ARGFX: variants seen among roughly 807,000 people sequenced by gnomAD.
ARGFX encodes arginine-fifty homeobox.
ARGFX carries 10 observed loss-of-function variants against 8.0 expected under a neutral mutation model. That is an observed-to-expected ratio of 1.25 (90% CI 0.77 to 2.12). The LOEUF (loss-of-function observed/expected upper bound fraction) is 2.12, where lower values mean the gene tolerates loss of function less well. ARGFX is among the 30% of genes most tolerant of loss of function. ARGFX has a pLI of 0.00. For synonymous variants in ARGFX, 116 were observed against 117.8 expected (o/e 0.98, Z 0.10); for missense variants, 282 against 324.3 (o/e 0.87, Z 1.00).
At chr3:121,578,651 C>T (rs551889147) in intron 3 of ARGFX, among the ~76,000 whole-genome samples, 17 of 150,754 alleles carry the variant, frequency 1.1e-4, no homozygotes, top group Admixed American at 6.6e-4. Context: ...TAATCACATT[C>T]CTAGAAAAGT....
chr3:121,584,262 GGAA>G (rs1560122453), intron 3 of ARGFX, among the ~76,000 whole-genome samples: 6 of 138,566 alleles, frequency 4.3e-5, no homozygotes, highest in African/African-American at 1.6e-4. Context: ...AAGGAAGGAA[GGAA>G]GGAAAGAAAA....
intron 3 of ARGFX, among the ~76,000 whole-genome samples, chr3:121,584,534 G>T (rs1285263878): frequency 1.3e-5 from 2 of 152,192 alleles, no homozygotes; most frequent in African/African-American, 2.4e-5. Flanking sequence ...ACTATCCACT[G>T]TCCTGAGGTT....
chr3:121,586,752 A>G lies in ARGFX; in HGVS notation c.*152A>G. 1.4e-6 allele frequency: 1 copy of G among 701,858 alleles called. No individual in the cohort carries two copies. Among genetic ancestry groups the G allele is most frequent in the East Asian group, 2.7e-5 (1 of 36,848 alleles). 43.5% of individuals were successfully genotyped at this position (701,858 alleles called of 1,614,324 possible). Reference sequence around the variant, plus strand: ...GTTGCAAAAAGAGTTTTCCAAGTAGAGCTGGGCACTACGTAATCAGCCCCA... The same window carrying G: ...GTTGCAAAAAGAGTTTTCCAAGTAGGGCTGGGCACTACGTAATCAGCCCCA... On this transcript the variant is annotated 3_prime_UTR_variant, in exon 5 of 5. Coordinates refer to ENST00000334384, the MANE Select transcript of ARGFX (RefSeq NM_001012659.2).
chr3:121,577,645 C>T (rs2048751790), intron 3 of ARGFX, among the ~76,000 whole-genome samples: 1 of 152,066 alleles, frequency 6.6e-6, no homozygotes, highest in Non-Finnish European at 1.5e-5. Context: ...AATTAATTTA[C>T]AAAAGAGAGG....
intron 2 of ARGFX, among the ~76,000 whole-genome samples, chr3:121,572,344 C>G (rs574351627): frequency 1.3e-5 from 2 of 150,058 alleles, no homozygotes; most frequent in African/African-American, 4.9e-5. Context: ...CAGGATCAAG[C>G]GATTCTCCTG....
At chr3:121,572,040 A>G (rs1381763173) in intron 2 of ARGFX, among the ~76,000 whole-genome samples, 1 of 151,554 alleles carries the variant, frequency 6.6e-6, no homozygotes, top group African/African-American at 2.4e-5. Flanking sequence ...CGTGTTAGCC[A>G]GGATGGTCTA....
Position 121,588,464 on chromosome 3 carries a change from C to T in ARGFX, c.*1864C>T, listed in dbSNP as rs1343699153. Among the ~76,000 whole-genome samples, 2 of 146,934 alleles carry T rather than the reference C, an allele frequency of 1.4e-5. No individual in the cohort carries two copies. Among genetic ancestry groups the T allele is most frequent in the Non-Finnish European group, 1.5e-5 (1 of 66,870 alleles). ...CTGCACTCCAGCCTGGACAACAGAGCAAGACTCTGTCTCAAAAAAAAAATA... is the reference window on the plus strand; with the variant it reads ...CTGCACTCCAGCCTGGACAACAGAGTAAGACTCTGTCTCAAAAAAAAAATA... On this transcript the variant is annotated 3_prime_UTR_variant, in exon 5 of 5. Coordinates refer to ENST00000334384, the MANE Select transcript of ARGFX (RefSeq NM_001012659.2).
intron 3 of ARGFX, among the ~76,000 whole-genome samples, chr3:121,577,116 T>C (rs1411329233): frequency 1.4e-5 from 2 of 144,810 alleles, no homozygotes; most frequent in Admixed American, 1.4e-4. Flanking sequence ...TTCTCATAAT[T>C]TTTGTAGTCT....
At position 121,586,213 on chromosome 3, in the gene ARGFX, C is replaced by T. The variant is rs2048811932; in HGVS notation, c.561C>T (p.Ser187=). ...TTCCATCTCAGCCCTTAGACCCTTC[C>T]AATTGGGCATGGAACTCTACCTTCA... The part of the protein sequence containing the change: ...SSLPSQPLDP[S]NWAWNSTFTE... The change falls in exon 5 of 5, where the codon TCC becomes TCT. Residue 187 remains serine, a synonymous_variant. Transcript: ENST00000334384. 1 of 1,613,904 alleles carries T rather than the reference C, an allele frequency of 6.2e-7. No individual in the cohort carries two copies. The highest frequency in any genetic ancestry group is 8.5e-7 in the Non-Finnish European group (1 of 1,179,916).
At chr3:121,569,618 G>C (rs555142309) in intron 1 of ARGFX, among the ~76,000 whole-genome samples, 3 of 152,008 alleles carry the variant, frequency 2.0e-5, no homozygotes, top group Admixed American at 2.0e-4. Context: ...CACCCTCCTC[G>C]GCCTTTCAAA....
intron 3 of ARGFX, among the ~76,000 whole-genome samples, chr3:121,577,877 T>C (rs1027597345): frequency 6.6e-6 from 1 of 150,602 alleles, no homozygotes; most frequent in African/African-American, 2.4e-5. Context: ...TTCTGCCTCC[T>C]GGGGTTCAAG....
At chr3:121,575,188 C>T (rs757834505) in intron 2 of ARGFX, among the ~76,000 whole-genome samples, 8 of 151,980 alleles carry the variant, frequency 5.3e-5, no homozygotes, top group Non-Finnish European at 1.0e-4. Flanking sequence ...AGCGTGGTGG[C>T]GTGTGCCTGT....
chr3:121,588,990 A>C lies in ARGFX; in HGVS notation c.*2390A>C, dbSNP rs1189945837. Among the ~76,000 whole-genome samples the C allele has an allele frequency of 6.6e-6, 1 of 152,158 alleles. No individual in the cohort carries two copies. Among genetic ancestry groups the C allele is most frequent in the African/African-American group, 2.4e-5 (1 of 41,432 alleles). Reference sequence around the variant, plus strand: ...TAAAGAGGTAATCACAGTCTGAGCAACATGGCAAAACCCTGTGTCTACAAA... The same window carrying C: ...TAAAGAGGTAATCACAGTCTGAGCACCATGGCAAAACCCTGTGTCTACAAA... On this transcript the variant is annotated 3_prime_UTR_variant, in exon 5 of 5. Coordinates refer to ENST00000334384, the MANE Select transcript of ARGFX (RefSeq NM_001012659.2).
rs151031504 is a variant in ARGFX, at chr3:121,573,256, G to A, written c.103+2440G>A. Among the ~76,000 whole-genome samples, 621 of 152,290 alleles carry A rather than the reference G, an allele frequency of 4.1e-3. 5 individuals are homozygous for A. The highest frequency in any genetic ancestry group is 0.014 in the African/African-American group (583 of 41,550). On this transcript the variant is annotated intron_variant, in intron 2 of 4. Coordinates refer to ENST00000334384, the MANE Select transcript of ARGFX (RefSeq NM_001012659.2). ...AGCACTTTGCAAGGCCGAGATGCGT[G>A]GATCACCTGAGGTCAGGAGTTCTAG...
At position 121,586,228 on chromosome 3, in the gene ARGFX, C is replaced by G. The variant is rs761510528; in HGVS notation, c.576C>G (p.Asn192Lys). 5.7e-5 allele frequency: 92 copies of G among 1,613,914 alleles called. No individual in the cohort carries two copies. Among genetic ancestry groups the G allele is most frequent in the Non-Finnish European group, 9.3e-6 (11 of 1,179,958 alleles). Residue 192 changes from asparagine (N) to lysine (K), a missense_variant, in exon 5 of 5, where the codon AAC (asparagine) becomes AAG (lysine). By Grantham distance (94) the Asn-to-Lys change is moderately conservative (BLOSUM62 0). Coordinates refer to ENST00000334384, the MANE Select transcript of ARGFX (RefSeq NM_001012659.2). Reference sequence around the variant, plus strand: ...TAGACCCTTCCAATTGGGCATGGAACTCTACCTTCACTGAGAGTTCTACCA... The same window carrying G: ...TAGACCCTTCCAATTGGGCATGGAAGTCTACCTTCACTGAGAGTTCTACCA... ...QPLDPSNWAW[N>K]STFTESSTSD...
chr3:121,577,397 G>C (rs953589829), intron 3 of ARGFX, among the ~76,000 whole-genome samples: 4 of 151,234 alleles, frequency 2.6e-5, no homozygotes, highest in Admixed American at 1.3e-4. Context: ...GGGATTACAG[G>C]TGTGTGCCAC....
rs1347972964 is a variant in ARGFX at position 121,579,926 on chromosome 3, T to TTC, written c.220+3027_220+3028insCT. Among the ~76,000 whole-genome samples the TTC allele has an allele frequency of 7.5e-4, 72 of 96,574 alleles. 1 individual carries two copies. The East Asian group carries it at 0.046, about 62-fold the overall frequency. 63.4% of individuals were successfully genotyped at this position (96,574 alleles called of 152,430 possible). ...ATTTATATTTTCTTTCTTTCTTTCT[T>TTC]TTTCTTTTCTTTTCTTTTCTTTTTT... On this transcript the variant is annotated intron_variant, in intron 3 of 4. Coordinates refer to ENST00000334384, the MANE Select transcript of ARGFX (RefSeq NM_001012659.2).
At chr3:121,584,409 T>C (rs1300625282) in intron 3 of ARGFX, among the ~76,000 whole-genome samples, 3 of 151,934 alleles carry the variant, frequency 2.0e-5, no homozygotes, top group Admixed American at 6.6e-5. Flanking sequence ...AGACATGGGG[T>C]TTATTCCTAG....
At chr3:121,585,275 T>C (rs2048804288) in intron 4 of ARGFX, among the ~76,000 whole-genome samples, 1 of 152,162 alleles carries the variant, frequency 6.6e-6, no homozygotes, top group Admixed American at 6.5e-5. Context: ...AGAGGCAAAG[T>C]GACTGGGCCA....
Sources: gnomAD v4.1 joint callset for allele counts (sites outside exome capture counted in the v4.1 genomes callset) on GRCh38, gnomAD v4.1.1 for gene constraint, MANE v1.5 for transcripts, NCBI Gene and HGNC (gene_info 2026-07-23, HGNC 2026-07-21) for gene names.